The following CD22 variants were observed in gnomAD, a reference collection of about 807,000 sequenced individuals.
CD22 encodes CD22 molecule.
In CD22, 51 loss-of-function variants were observed where a neutral mutation model predicts 94.7. That is an observed-to-expected ratio of 0.54 (90% confidence interval 0.43 to 0.68). The LOEUF is 0.68. Among genes scored for constraint, CD22 ranks in the 30% least tolerant of loss-of-function variants. CD22 has a pLI of 0.00. For missense variants in CD22, 931 were observed against 1,060.4 expected, an observed-to-expected ratio of 0.88 and a Z score of 1.69; for synonymous variants, 424 against 422.5, an observed-to-expected ratio of 1.00 and a Z score of -0.04.
In CD22 at chr19:35,338,650, A is replaced by G. The variant is rs1381931583; in HGVS notation, c.1249+219A>G. 2.6e-5 allele frequency among the ~76,000 whole-genome samples: 4 copies of G among 151,462 alleles called. 1 individual carries two copies. Among genetic ancestry groups the G allele is most frequent in the South Asian group, 2.1e-4 (1 of 4,792 alleles). ...TTTTTGTGTTTTAGTTTTTTTTGAG[A>G]TGGAGTCTCCCTCTGTCTCCCAGGC... On this transcript the variant is annotated intron_variant, in intron 6 of 13. Transcript: ENST00000085219.
At chr19:35,333,017 G>A in intron 3 of CD22, 93 bp downstream of exon 3, 1 of 1,383,336 alleles carries the variant, frequency 7.2e-7, no homozygotes, top group Non-Finnish European at 9.9e-7. Flanking sequence ...CACAAACCGA[G>A]CTTCCTGCAG....
chr19:35,329,278 C>T (rs539430984), intron 1 of CD22, 48 bp downstream of exon 1: 16 of 1,220,552 alleles, frequency 1.3e-5, no homozygotes, highest in South Asian at 6.3e-5. Flanking sequence ...CAAGTTATTA[C>T]GGAACAGCAG....
Position 35,337,668 on chromosome 19 carries a change from G to T in CD22, c.719-87G>T. ...CTGGGTGAAGGGACTGGCAGGCCAT[G>T]GCTTTGTCAGAATAAAAGCACTTTC... On this transcript the variant is annotated intron_variant, in intron 4 of 13. Transcript: ENST00000085219. This position sits in a 1 kb window ranked among gnomAD's most constrained non-coding sequence, Gnocchi z 4.4. The T allele has an allele frequency of 8.3e-7, 1 of 1,210,502 alleles. No homozygotes were observed. Among genetic ancestry groups the T allele is most frequent in the Non-Finnish European group, 1.2e-6 (1 of 868,692 alleles). The allele number at this position is 1,210,502 out of a possible 1,614,324, so 75.0% of individuals were successfully genotyped here. A position where few individuals can be genotyped will look rare whatever the true frequency, so the allele number is the denominator to read the frequency against.
At chr19:35,336,387 C>T (rs1402380478) in intron 4 of CD22, 46 bp downstream of exon 4, 1 of 1,580,342 alleles carries the variant, frequency 6.3e-7, no homozygotes. Context: ...GTCTGTGTCA[C>T]CTTCTCCCCA....
intron 3 of CD22, 36 bp downstream of exon 3, chr19:35,332,960 CA>C (rs879748064): frequency 6.3e-7 from 1 of 1,591,780 alleles, no homozygotes; most frequent in Non-Finnish European, 8.6e-7. Context: ...CTGCTCTGGG[CA>C]GGGGTGAGTG....
chr19:35,336,226 G>T lies in CD22; in HGVS notation c.603G>T (p.Arg201=), dbSNP rs778570157. ...TSLTIKSVFT[R]SELKFSPQWS... ...TGACCATCAAGTCTGTCTTCACCCG[G>T]AGCGAGCTCAAGTTCTCCCCACAGT... Residue 201 remains arginine, a synonymous_variant, in exon 4 of 14, where the codon CGG becomes CGT. Transcript: ENST00000085219. The T allele has an allele frequency of 1.2e-6, 2 of 1,614,200 alleles. No homozygotes were observed. The highest frequency in any genetic ancestry group is 1.7e-6 in the Non-Finnish European group (2 of 1,180,032).
Position 35,340,958 on chromosome 19 carries a change from A to G in CD22, c.1327A>G (p.Asn443Asp), listed in dbSNP as rs1406766143. ...AGGAGACACAGTGACCCTTTCCTGT[A>G]ACTACAATTCCAGTAACCCCAGTGT... is the stretch of plus-strand genomic sequence containing the variant. ...REGDTVTLSC[N>D]YNSSNPSVTR... The change falls in exon 7 of 14, where the codon AAC (asparagine) becomes GAC (aspartate). Residue 443 changes from asparagine to aspartate, a missense_variant. Transcript: ENST00000085219. The G allele has an allele frequency of 1.2e-6, 2 of 1,614,088 alleles. No individual in the cohort carries two copies. The highest frequency in any genetic ancestry group is 1.3e-5 in the African/African-American group (1 of 74,932).
Position 35,332,935 on chromosome 19 carries a change from C to T in CD22, c.412+11C>T, listed in dbSNP as rs377348712. 205 of 1,609,360 alleles carry T rather than the reference C, an allele frequency of 1.3e-4. No individual in the cohort carries two copies. Among genetic ancestry groups the T allele is most frequent in the Non-Finnish European group, 1.6e-4 (189 of 1,176,504 alleles). On this transcript the variant is annotated intron_variant, in intron 3 of 13. Transcript: ENST00000085219. ...ACCTCAATGTCTCTGGTAAGGCCTT[C>T]GGGGAGCGGGTCCTCTGCTCTGGGC...
At position 35,338,174 on chromosome 19, in the gene CD22, C is replaced by T. The variant is rs567099860; in HGVS notation, c.992C>T (p.Pro331Leu). The T allele has an allele frequency of 6.8e-6, 11 of 1,610,124 alleles. No individual in the cohort carries two copies. The highest frequency in any genetic ancestry group is 3.3e-5 in the Admixed American group (2 of 59,894). ...CCTCTGCCCCCTCTTCCAGATGCCC[C>T]GGAACCTTCCACGGTTCAGATCCTC... ...EEVFLQVQYAPEPSTVQILHS... is the reference protein window; with the variant it reads ...EEVFLQVQYALEPSTVQILHS... The change falls in exon 6 of 14, where the codon CCG (proline) becomes CTG (leucine). Residue 331 changes from proline to leucine, a missense_variant. Pro to Leu is a moderately conservative substitution (Grantham distance 98). Coordinates refer to ENST00000085219, the MANE Select transcript of CD22 (RefSeq NM_001771.4).
Position 35,337,879 on chromosome 19 carries a change from G to C in CD22, c.843G>C (p.Lys281Asn). 1.9e-6 allele frequency: 3 copies of C among 1,614,222 alleles called. No individual in the cohort carries two copies. The highest frequency in any genetic ancestry group is 2.5e-6 in the Non-Finnish European group (3 of 1,180,034). Residue 281 changes from lysine (K) to asparagine (N), a missense_variant, in exon 5 of 14, where the codon AAG (lysine) becomes AAC (asparagine). Transcript: ENST00000085219. The surrounding 1 kb of genome is among the most constrained non-coding windows in gnomAD (Gnocchi z 4.4). ...AGTACACGACGGTATCCTGGCTCAA[G>C]GATGGGACCTCGCTGAAGAAGCAGA... ...NPEYTTVSWL[K>N]DGTSLKKQNT...
At chr19:35,331,919 G>A (rs752724814) in intron 1 of CD22, 100 bp from the exon 2 acceptor site, 36 of 1,593,322 alleles carry the variant, frequency 2.3e-5, no homozygotes, top group South Asian at 5.6e-5. Context: ...CGGTCCTCCC[G>A]GATCCAGGGG....
At chr19:35,345,208 A>G (rs984896683) in intron 11 of CD22, 82 bp downstream of exon 11, 1 of 1,193,824 alleles carries the variant, frequency 8.4e-7, no homozygotes, top group African/African-American at 1.5e-5. Context: ...ACCTGAGGTC[A>G]GGAGTTCGAG....
chr19:35,343,916 C>A (rs1192424499), intron 9 of CD22, among the ~76,000 whole-genome samples: 2 of 152,152 alleles, frequency 1.3e-5, no homozygotes, highest in African/African-American at 4.8e-5. Flanking sequence ...GTAATCCCAG[C>A]ACTTTGGGAG....
chr19:35,331,170 G>A (rs1266895671), intron 1 of CD22: 2 of 152,166 alleles, frequency 1.3e-5, no homozygotes, highest in Non-Finnish European at 2.9e-5. Context: ...TGATCTGCCT[G>A]CCTTGGCATC....
At chr19:35,329,296 C>G in intron 1 of CD22, 66 bp downstream of exon 1, 2 of 1,012,300 alleles carry the variant, frequency 2.0e-6, no homozygotes, top group Non-Finnish European at 2.7e-6. Context: ...CAGTTATGGG[C>G]CAGGCATACC....
chr19:35,343,484 ACAGACGAGG>A (rs1468616747), intron 9 of CD22, among the ~76,000 whole-genome samples: 25 of 152,234 alleles, frequency 1.6e-4, no homozygotes, highest in Admixed American at 1.6e-3. Context: ...TCCTCATGAC[ACAGACGAGG>A]CAGAGCCCAC....
At chr19:35,336,003 C>T (rs1414087531) in intron 3 of CD22, 33 bp from the exon 4 acceptor site, 2 of 1,590,646 alleles carry the variant, frequency 1.3e-6, no homozygotes, top group East Asian at 2.2e-5. Context: ...CCTCAGTCCC[C>T]CAGGCTCCTG....
intron 6 of CD22, 48 bp downstream of exon 6, chr19:35,338,479 G>A (rs1224142630): frequency 1.3e-6 from 2 of 1,574,380 alleles, no homozygotes; most frequent in Admixed American, 1.8e-5. Flanking sequence ...GATGGACACA[G>A]GGAACGGGGA....
At chr19:35,344,401 T>A (rs1462255689) in intron 9 of CD22, among the ~76,000 whole-genome samples, 1 of 152,236 alleles carries the variant, frequency 6.6e-6, no homozygotes, top group African/African-American at 2.4e-5. Flanking sequence ...GTTGCATACA[T>A]CCTCCTCCCA....
Sources: gnomAD v4.1 joint callset for allele counts (sites outside exome capture counted in the v4.1 genomes callset) on GRCh38, gnomAD v4.1.1 for gene constraint, Gnocchi (gnomAD v3.1) non-coding constraint, MANE v1.5 for transcripts, NCBI Gene and HGNC (gene_info 2026-07-23, HGNC 2026-07-21) for gene names.